DNM3: variants seen among roughly 807,000 people sequenced by gnomAD.
DNM3 encodes the protein dynamin 3.
DNM3 carries 47 observed loss-of-function variants against 101.6 expected under a neutral mutation model. The observed-to-expected ratio is 0.46, with a 90% confidence interval of 0.37 to 0.59. The LOEUF (loss-of-function observed/expected upper bound fraction) is 0.59, where lower values mean the gene tolerates loss of function less well. DNM3 is among the 20% of genes least tolerant of loss of function. DNM3 has a pLI of 0.00. For missense variants in DNM3, 849 were observed against 1,085.7 expected (o/e 0.78, Z 3.06); for synonymous variants, 385 against 387.9 (o/e 0.99, Z 0.09).
At chr1:172,099,410 C>G (rs1432825857) in intron 13 of DNM3, among the ~76,000 whole-genome samples, 1 of 152,070 alleles carries the variant, frequency 6.6e-6, no homozygotes, top group African/African-American at 2.4e-5. Context: ...TTCATTCTTG[C>G]AGCAGGTGGG....
intron 14 of DNM3, among the ~76,000 whole-genome samples, chr1:172,243,924 T>A (rs1453592795): frequency 6.6e-6 from 1 of 152,142 alleles, no homozygotes; most frequent in Non-Finnish European, 1.5e-5. Context: ...TGCAGGTTAG[T>A]TACATATGTA....
intron 15 of DNM3, 64 bp downstream of exon 15, chr1:172,253,746 A>T (rs1207325121): frequency 1.8e-6 from 2 of 1,100,424 alleles, no homozygotes; most frequent in African/African-American, 3.2e-5. Flanking sequence ...TGATTCAGAG[A>T]TCATATTTGA....
intron 1 of DNM3, among the ~76,000 whole-genome samples, chr1:171,860,117 A>G (rs776207630): frequency 2.0e-5 from 3 of 152,154 alleles, no homozygotes; most frequent in Non-Finnish European, 4.4e-5. Context: ...TACATTAGAG[A>G]AAGATTACTC....
intron 1 of DNM3, among the ~76,000 whole-genome samples, chr1:171,880,891 A>T (rs1039472038): frequency 6.6e-5 from 10 of 152,138 alleles, no homozygotes; most frequent in African/African-American, 2.4e-4. Flanking sequence ...ACATAGGCAG[A>T]ATAAATAGTA....
At chr1:172,319,119 G>C (rs1348811199) in intron 16 of DNM3, among the ~76,000 whole-genome samples, 2 of 152,104 alleles carry the variant, frequency 1.3e-5, no homozygotes, top group Admixed American at 6.6e-5. Context: ...ACAAACCTGA[G>C]AAAAACAAGC....
intron 2 of DNM3, among the ~76,000 whole-genome samples, chr1:171,945,495 GT>G (rs2042115004): frequency 6.6e-6 from 1 of 152,066 alleles, no homozygotes; most frequent in Non-Finnish European, 1.5e-5. Context: ...TAAAAATCTT[GT>G]TTAGCAAGTA....
intron 11 of DNM3, among the ~76,000 whole-genome samples, 182 bp downstream of exon 11, chr1:172,069,087 G>C (rs12568081): frequency 0.06 from 9,104 of 152,148 alleles, 507 homozygotes; most frequent in East Asian, 0.17. Context: ...TTCATATCTT[G>C]TTTATGTTAA....
chr1:171,972,015 G>T (rs184750033), intron 2 of DNM3, among the ~76,000 whole-genome samples: 37 of 152,292 alleles, frequency 2.4e-4, no homozygotes, highest in African/African-American at 8.4e-4. Flanking sequence ...GCTGAAAGAG[G>T]TATTCAAGAC....
At chr1:172,335,252 G>A (rs762199451) in intron 17 of DNM3, among the ~76,000 whole-genome samples, 26 of 152,186 alleles carry the variant, frequency 1.7e-4, no homozygotes, top group Non-Finnish European at 3.4e-4. Flanking sequence ...AATTTGCTCA[G>A]CCCATTTAGA....
intron 14 of DNM3, among the ~76,000 whole-genome samples, chr1:172,222,090 T>C (rs2060928410): frequency 6.6e-6 from 1 of 152,108 alleles, no homozygotes. Flanking sequence ...ACAATTCTGA[T>C]TTTCAAACAT....
intron 14 of DNM3, among the ~76,000 whole-genome samples, chr1:172,217,709 A>G (rs1163117784): frequency 6.6e-6 from 1 of 152,126 alleles, no homozygotes; most frequent in Non-Finnish European, 1.5e-5. Context: ...TTTTAACTAC[A>G]GCCTATCAAC....
intron 10 of DNM3, among the ~76,000 whole-genome samples, chr1:172,057,129 A>T (rs201020120): frequency 1.3e-5 from 2 of 152,142 alleles, no homozygotes; most frequent in Non-Finnish European, 2.9e-5. Flanking sequence ...TGAAGCGAGA[A>T]GGGAAGTTTA....
chr1:172,184,272 A>AGTTGTT, intron 14 of DNM3, among the ~76,000 whole-genome samples: 1 of 152,258 alleles, frequency 6.6e-6, no homozygotes, highest in South Asian at 2.1e-4. Flanking sequence ...TGAACTGTTA[A>AGTTGTT]ACAAGCAAAG....
At chr1:172,210,174 T>A (rs1159621082) in intron 14 of DNM3, among the ~76,000 whole-genome samples, 1 of 152,124 alleles carries the variant, frequency 6.6e-6, no homozygotes. Context: ...TTCACTTTTT[T>A]AAATCAAGGT....
intron 17 of DNM3, among the ~76,000 whole-genome samples, chr1:172,362,795 A>C (rs534786027): frequency 4.7e-5 from 7 of 148,454 alleles, no homozygotes; most frequent in African/African-American, 1.7e-4. Flanking sequence ...ACAAACCCCC[A>C]TCCCCACAGA....
At chr1:172,277,418 A>T (rs1018176493) in intron 15 of DNM3, among the ~76,000 whole-genome samples, 1 of 152,070 alleles carries the variant, frequency 6.6e-6, no homozygotes, top group Non-Finnish European at 1.5e-5. Flanking sequence ...ATGTAAATTT[A>T]GAGGAAAATG....
chr1:172,106,542 A>C (rs1007016495), intron 13 of DNM3, among the ~76,000 whole-genome samples: 1 of 152,152 alleles, frequency 6.6e-6, no homozygotes, highest in East Asian at 1.9e-4. Context: ...CCCCCATGAC[A>C]CAAGTTTCCC....
intron 1 of DNM3, among the ~76,000 whole-genome samples, chr1:171,909,231 A>G (rs2039085638): frequency 6.6e-6 from 1 of 152,164 alleles, no homozygotes; most frequent in Non-Finnish European, 1.5e-5. Flanking sequence ...ACTTGAGGTC[A>G]GGAGTTCAAG....
chr1:171,892,321 A>G (rs993534331), intron 1 of DNM3, among the ~76,000 whole-genome samples: 1 of 152,204 alleles, frequency 6.6e-6, no homozygotes, highest in African/African-American at 2.4e-5. Context: ...AAATGGTGTT[A>G]GAAACCAAAA....
Sources: allele counts gnomAD v4.1 joint callset (sites outside exome capture counted in the v4.1 genomes callset), GRCh38; gene constraint gnomAD v4.1.1; transcripts MANE v1.5; gene names NCBI Gene and HGNC (gene_info 2026-07-23, HGNC 2026-07-21).